The following GABRG1 variants were observed in gnomAD, a reference collection of about 807,000 sequenced individuals.
GABRG1 encodes the protein gamma-aminobutyric acid type A receptor subunit gamma1, also known as gamma-aminobutyric acid receptor subunit gamma-1.
A neutral mutation model predicts 49.8 loss-of-function variants in GABRG1; 49 were observed. That is an observed-to-expected ratio of 0.98 (90% CI 0.78 to 1.25). The LOEUF (loss-of-function observed/expected upper bound fraction) is 1.25, where lower values mean the gene tolerates loss of function less well. Among genes scored for constraint, GABRG1 ranks in the 50% most tolerant of loss-of-function variants. The pLI, the probability that GABRG1 is intolerant of heterozygous loss-of-function variation, is 0.00. For synonymous variants in GABRG1, 232 were observed against 185.1 expected (o/e 1.25, Z -2.06); for missense variants, 552 against 552.3 (o/e 1.00, Z 0.01).
At position 46,040,798 on chromosome 4, in the gene GABRG1, AGTTTCAC is replaced by A. The variant is rs1412056012; in HGVS notation, c.*183_*189del. On this transcript the variant is annotated 3_prime_UTR_variant, in exon 9 of 9. Transcript: ENST00000295452. The stretch of plus-strand genomic sequence containing the variant: ...AACCTACTGGATTTTGCAACTAATC[AGTTTCAC>A]GTAAATTAGCCTGAAAGCTGCTACT... 2.1e-6 allele frequency: 1 copy of A among 475,802 alleles called. No homozygotes were observed. Among genetic ancestry groups the A allele is most frequent in the Non-Finnish European group, 3.6e-6 (1 of 279,266 alleles). 29.5% of individuals were successfully genotyped at this position (475,802 alleles called of 1,614,324 possible). A position where few individuals can be genotyped will look rare whatever the true frequency, so the allele number is the denominator to read the frequency against.
At position 46,038,823 on chromosome 4, in the gene GABRG1, C is replaced by A. The variant is rs140016689; in HGVS notation, c.*2165G>T. 470 of 151,820 alleles carry A rather than the reference C, an allele frequency of 3.1e-3. 2 individuals are homozygous for A. Among genetic ancestry groups the A allele is most frequent in the African/African-American group, 0.011 (455 of 41,526 alleles). 9.4% of individuals were successfully genotyped at this position (151,820 alleles called of 1,614,324 possible). A position where few individuals can be genotyped will look rare whatever the true frequency, so the allele number is the denominator to read the frequency against. On this transcript the variant is annotated 3_prime_UTR_variant, in exon 9 of 9. Coordinates refer to ENST00000295452, the MANE Select transcript of GABRG1 (RefSeq NM_173536.4). ...GGTATATACAAGGAAAGGCATCTTT[C>A]ATATATTTACAAATTTTATTTCCAC... is the stretch of plus-strand genomic sequence containing the variant.
At chr4:46,091,357 T>G (rs948984095) in intron 2 of GABRG1, among the ~76,000 whole-genome samples, 1 of 152,106 alleles carries the variant, frequency 6.6e-6, no homozygotes. Flanking sequence ...TCCATTATTT[T>G]TCACATACCC....
intron 3 of GABRG1, among the ~76,000 whole-genome samples, chr4:46,069,885 T>C (rs1304501307): frequency 1.3e-5 from 2 of 151,992 alleles, no homozygotes; most frequent in Non-Finnish European, 2.9e-5. Flanking sequence ...TTAGGGGAAC[T>C]TAAGAAAGAT....
intron 8 of GABRG1, among the ~76,000 whole-genome samples, chr4:46,046,342 C>G (rs2109393894): frequency 6.6e-6 from 1 of 152,090 alleles, no homozygotes; most frequent in African/African-American, 2.4e-5. Context: ...CTATACACTC[C>G]AGGGAAGCAT....
At position 46,056,881 on chromosome 4, in the gene GABRG1, C is replaced by T. The variant is rs576469525; in HGVS notation, c.916+1336G>A. Among the ~76,000 whole-genome samples, 5 of 152,166 alleles carry T rather than the reference C, an allele frequency of 3.3e-5. No homozygotes were observed. The South Asian group carries it at 1.0e-3, about 32-fold the overall frequency. On this transcript the variant is annotated intron_variant, in intron 7 of 8. Transcript: ENST00000295452. ...TGTGCTTACCTTTATGATTGATATG[C>T]TAATATTGAATAAAAATAAGTTTAT... is the stretch of plus-strand genomic sequence containing the variant.
chr4:46,114,340 A>G (rs866032216), intron 1 of GABRG1, among the ~76,000 whole-genome samples: 52 of 151,180 alleles, frequency 3.4e-4, no homozygotes, highest in African/African-American at 1.1e-3. Context: ...AGTGGAACCT[A>G]TCACTTAACA....
rs370107564 is a variant in GABRG1, at chr4:46,122,288, C to CTT, written c.104+1520_104+1521dup. Among the ~76,000 whole-genome samples, 136 of 152,162 alleles carry CTT rather than the reference C, an allele frequency of 8.9e-4. No homozygotes were observed. In the East Asian group the frequency reaches 0.019, roughly 22 times the overall value. On this transcript the variant is annotated intron_variant, in intron 1 of 8. Coordinates refer to ENST00000295452, the MANE Select transcript of GABRG1 (RefSeq NM_173536.4). The stretch of plus-strand genomic sequence containing the variant: ...AGATAATATGCTCTTTACTAAGCAG[C>CTT]TTGCCTATTTGTTTGAAAGGAAAAC...
chr4:46,123,218 G>A (rs1298548960), intron 1 of GABRG1, among the ~76,000 whole-genome samples: 2 of 150,464 alleles, frequency 1.3e-5, no homozygotes, highest in East Asian at 2.0e-4. Flanking sequence ...AACACTCAAA[G>A]CTGGTTCAAA....
intron 2 of GABRG1, among the ~76,000 whole-genome samples, chr4:46,092,937 C>T (rs34150665): frequency 0.039 from 5,978 of 151,430 alleles, 175 homozygotes; most frequent in Non-Finnish European, 0.058. Flanking sequence ...GACATGGTGG[C>T]GCATGCCTAT....
intron 8 of GABRG1, among the ~76,000 whole-genome samples, chr4:46,044,522 G>A (rs902777740): frequency 6.6e-6 from 1 of 151,872 alleles, no homozygotes; most frequent in African/African-American, 2.4e-5. Flanking sequence ...TCTTGGTGAC[G>A]AGGAGCTGCC....
chr4:46,052,065 CCTT>C (rs948903451), intron 7 of GABRG1, among the ~76,000 whole-genome samples: 3 of 151,732 alleles, frequency 2.0e-5, no homozygotes, highest in Admixed American at 6.6e-5. Flanking sequence ...CAAGGAATGC[CCTT>C]CTTTCCTTCT....
At chr4:46,059,293 G>C (rs1479182614) in intron 5 of GABRG1, among the ~76,000 whole-genome samples, 1 of 152,050 alleles carries the variant, frequency 6.6e-6, no homozygotes, top group Non-Finnish European at 1.5e-5. Context: ...CATTACTTTA[G>C]GATAGAGTAT....
At chr4:46,052,850 C>T (rs144812035) in intron 7 of GABRG1, among the ~76,000 whole-genome samples, 80 of 152,004 alleles carry the variant, frequency 5.3e-4, no homozygotes, top group African/African-American at 1.9e-3. Flanking sequence ...ACCACCTCTT[C>T]CCCTCATGTC....
At chr4:46,103,636 G>T (rs1308009439) in intron 1 of GABRG1, among the ~76,000 whole-genome samples, 2 of 151,230 alleles carry the variant, frequency 1.3e-5, no homozygotes, top group Non-Finnish European at 3.0e-5. Context: ...CCAAATTTTT[G>T]CCTGTTATAA....
intron 5 of GABRG1, among the ~76,000 whole-genome samples, chr4:46,060,965 T>A (rs1482601217): frequency 6.6e-6 from 1 of 152,158 alleles, no homozygotes; most frequent in Non-Finnish European, 1.5e-5. Context: ...TAGATGCAGA[T>A]GGCTGAATTC....
At chr4:46,044,100 C>A (rs1233244427) in intron 8 of GABRG1, among the ~76,000 whole-genome samples, 1 of 152,016 alleles carries the variant, frequency 6.6e-6, no homozygotes, top group Non-Finnish European at 1.5e-5. Context: ...AAACTAAGCA[C>A]TGTTTACCAC....
intron 8 of GABRG1, 93 bp downstream of exon 8, chr4:46,051,331 T>A: frequency 1.1e-6 from 1 of 925,300 alleles, no homozygotes; most frequent in Non-Finnish European, 1.6e-6. Flanking sequence ...GTCTCAAGCG[T>A]CCCTATTTCT....
At chr4:46,045,509 T>C (rs1025333339) in intron 8 of GABRG1, among the ~76,000 whole-genome samples, 1 of 151,214 alleles carries the variant, frequency 6.6e-6, no homozygotes, top group Admixed American at 6.6e-5. Flanking sequence ...TATTAAGTAA[T>C]GAGGAAATGA....
intron 3 of GABRG1, among the ~76,000 whole-genome samples, chr4:46,076,404 T>TATATATAC (rs1281703724): frequency 7.4e-6 from 1 of 134,546 alleles, no homozygotes; most frequent in Non-Finnish European, 1.6e-5. Flanking sequence ...TATATATATA[T>TATATATAC]GCTAAATTAC....
Sources: allele counts gnomAD v4.1 joint callset (sites outside exome capture counted in the v4.1 genomes callset), GRCh38; gene constraint gnomAD v4.1.1; transcripts MANE v1.5; gene names NCBI Gene and HGNC (gene_info 2026-07-23, HGNC 2026-07-21).